The following ERC2 variants were observed in gnomAD, a reference collection of about 807,000 sequenced individuals.
The protein encoded by ERC2 is ELKS/RAB6-interacting/CAST family member 2, also known as ERC protein 2.
ERC2 carries 42 observed loss-of-function variants against 114.8 expected under a neutral mutation model. The observed-to-expected ratio is 0.37, with a 90% CI of 0.29 to 0.47. The LOEUF (loss-of-function observed/expected upper bound fraction) is 0.47, where lower values mean the gene tolerates loss of function less well. Ranked by LOEUF, ERC2 falls within the 20% of genes least tolerant of loss-of-function variation. The pLI is 0.99. For synonymous variants in ERC2, 454 were observed against 425.5 expected, an observed-to-expected ratio of 1.07 and a Z score of -0.82; for missense variants, 939 against 1,150.7, an observed-to-expected ratio of 0.82 and a Z score of 2.66.
intron 17 of ERC2, among the ~76,000 whole-genome samples, chr3:55,643,372 G>C (rs566938595): frequency 7.4e-4 from 112 of 152,174 alleles, no homozygotes; most frequent in Non-Finnish European, 1.1e-3. Flanking sequence ...TGTGGATATA[G>C]AGCACTGGCA....
chr3:55,754,226 TTATTTTC>T (rs2066907291), intron 14 of ERC2, among the ~76,000 whole-genome samples: 1 of 152,124 alleles, frequency 6.6e-6, no homozygotes, highest in African/African-American at 2.4e-5. Context: ...AGAAAATATT[TTATTTTC>T]TGTTTTCTGT....
At chr3:56,044,754 G>A (rs1165494658) in intron 7 of ERC2, among the ~76,000 whole-genome samples, 9 of 152,086 alleles carry the variant, frequency 5.9e-5, no homozygotes, top group African/African-American at 1.9e-4. Context: ...TTAGGACGCG[G>A]TTCATTTTTG....
chr3:55,999,155 T>C (rs2149542182), intron 10 of ERC2, among the ~76,000 whole-genome samples: 1 of 152,304 alleles, frequency 6.6e-6, no homozygotes, highest in Non-Finnish European at 1.5e-5. Flanking sequence ...ACGCATATTA[T>C]TTGTTTAGAA....
intron 2 of ERC2, among the ~76,000 whole-genome samples, chr3:56,346,353 A>T (rs1223266796): frequency 6.6e-6 from 1 of 152,184 alleles, no homozygotes; most frequent in Non-Finnish European, 1.5e-5. Context: ...TATTAAAATA[A>T]TATTTATCAT....
At chr3:56,066,928 A>G (rs1463927258) in intron 7 of ERC2, among the ~76,000 whole-genome samples, 1 of 152,164 alleles carries the variant, frequency 6.6e-6, no homozygotes, top group Non-Finnish European at 1.5e-5. Flanking sequence ...TGGTACTTGT[A>G]CCATGCTGTA....
At chr3:56,229,526 A>T (rs1451787487) in intron 3 of ERC2, among the ~76,000 whole-genome samples, 1 of 152,208 alleles carries the variant, frequency 6.6e-6, no homozygotes, top group Non-Finnish European at 1.5e-5. Context: ...CTTAGATATG[A>T]TACTTAAGTA....
intron 17 of ERC2, among the ~76,000 whole-genome samples, chr3:55,588,034 TG>T (rs2107594037): frequency 1.3e-5 from 2 of 152,320 alleles, no homozygotes; most frequent in East Asian, 3.9e-4. Context: ...ACACATGAGT[TG>T]AAGCCATAAG....
intron 17 of ERC2, among the ~76,000 whole-genome samples, chr3:55,584,185 CT>C (rs1280431298): frequency 1.3e-5 from 2 of 152,176 alleles, no homozygotes; most frequent in African/African-American, 4.8e-5. Context: ...TGGTGAAGAG[CT>C]TAGGCCCTGG....
chr3:55,957,771 G>A (rs1284393122), intron 12 of ERC2, among the ~76,000 whole-genome samples: 2 of 151,720 alleles, frequency 1.3e-5, no homozygotes, highest in Non-Finnish European at 2.9e-5. Flanking sequence ...GTGTGAGGCT[G>A]CAGCTGGACC....
At chr3:55,976,793 A>G (rs1175953362) in intron 12 of ERC2, among the ~76,000 whole-genome samples, 3 of 152,210 alleles carry the variant, frequency 2.0e-5, no homozygotes, top group Non-Finnish European at 4.4e-5. Flanking sequence ...GATAAATTCC[A>G]TGTGGTTCAA....
intron 17 of ERC2, among the ~76,000 whole-genome samples, chr3:55,682,281 G>A (rs1266108142): frequency 1.3e-5 from 2 of 152,096 alleles, no homozygotes; most frequent in Admixed American, 1.3e-4. Flanking sequence ...AAGCTTTCCT[G>A]CAGAATGACT....
At chr3:55,981,885 G>C (rs571244220) in intron 12 of ERC2, among the ~76,000 whole-genome samples, 1 of 152,072 alleles carries the variant, frequency 6.6e-6, no homozygotes, top group Non-Finnish European at 1.5e-5. Flanking sequence ...CAAACCCAAT[G>C]GTTGCTCCTT....
intron 14 of ERC2, among the ~76,000 whole-genome samples, chr3:55,751,065 G>A (rs902868540): frequency 1.7e-4 from 26 of 152,164 alleles, no homozygotes; most frequent in African/African-American, 5.5e-4. Flanking sequence ...TGACTTCCAC[G>A]GTCTGGAAAA....
chr3:55,687,377 ATTT>A (rs11313736), intron 16 of ERC2, among the ~76,000 whole-genome samples: 1 of 149,472 alleles, frequency 6.7e-6, no homozygotes, highest in Non-Finnish European at 1.5e-5. Context: ...CCACCACCGG[ATTT>A]TTTTTTTTTT....
At chr3:56,138,185 G>A (rs554249523) in intron 6 of ERC2, among the ~76,000 whole-genome samples, 29 of 146,726 alleles carry the variant, frequency 2.0e-4, no homozygotes, top group African/African-American at 6.8e-4. Context: ...TCAGCCTCCC[G>A]AGTAGCTGGG....
At chr3:56,058,610 C>T (rs1232574369) in intron 7 of ERC2, among the ~76,000 whole-genome samples, 1 of 152,154 alleles carries the variant, frequency 6.6e-6, no homozygotes, top group African/African-American at 2.4e-5. Flanking sequence ...GATTACCCTC[C>T]ATAATGTGGG....
intron 2 of ERC2, among the ~76,000 whole-genome samples, chr3:56,321,842 T>C (rs1157824345): frequency 6.6e-6 from 1 of 152,180 alleles, no homozygotes; most frequent in Non-Finnish European, 1.5e-5. Context: ...ACTTTAACAA[T>C]AGAAATAAAT....
intron 3 of ERC2, among the ~76,000 whole-genome samples, chr3:56,190,953 AG>A (rs1488605485): frequency 9.2e-5 from 14 of 152,288 alleles, no homozygotes; most frequent in African/African-American, 3.1e-4. Context: ...TGGAGTACAG[AG>A]GGCACCAAGA....
At chr3:55,786,582 C>T (rs772762876) in intron 14 of ERC2, among the ~76,000 whole-genome samples, 1 of 152,210 alleles carries the variant, frequency 6.6e-6, no homozygotes, top group Non-Finnish European at 1.5e-5. Flanking sequence ...ATTTCACCTT[C>T]CCAATAAGCC....
Sources: gnomAD v4.1 joint callset for allele counts (sites outside exome capture counted in the v4.1 genomes callset) on GRCh38, gnomAD v4.1.1 for gene constraint, MANE v1.5 for transcripts, NCBI Gene and HGNC (gene_info 2026-07-23, HGNC 2026-07-21) for gene names.